The following TYW1 variants were observed in gnomAD, a reference collection of about 807,000 sequenced individuals.
TYW1 encodes tRNA-yW synthesizing protein 1 homolog.
In TYW1, 46 loss-of-function variants were observed where a neutral mutation model predicts 96.2. The observed-to-expected ratio is 0.48, with a 90% CI of 0.38 to 0.61. The LOEUF (loss-of-function observed/expected upper bound fraction) is 0.61, where lower values mean the gene tolerates loss of function less well. TYW1 is among the 20% of genes least tolerant of loss of function. The pLI is 0.00. For missense variants in TYW1, 684 were observed against 909.6 expected, an observed-to-expected ratio of 0.75 and a Z score of 3.19; for synonymous variants, 274 against 323.0, an observed-to-expected ratio of 0.85 and a Z score of 1.63.
intron 9 of TYW1, among the ~76,000 whole-genome samples, chr7:67,057,100 C>T (rs1167679999): frequency 9.3e-5 from 14 of 151,316 alleles, no homozygotes; most frequent in Admixed American, 6.6e-4. Context: ...CTGCAACCTC[C>T]GCCTCCTGGG....
At chr7:67,115,762 A>G (rs934513155) in intron 12 of TYW1, among the ~76,000 whole-genome samples, 3 of 152,238 alleles carry the variant, frequency 2.0e-5, no homozygotes, top group African/African-American at 7.2e-5. Flanking sequence ...ATACATATAT[A>G]AAGCACATAA....
intron 13 of TYW1, among the ~76,000 whole-genome samples, chr7:67,156,220 C>A (rs1411790621): frequency 1.3e-5 from 2 of 152,130 alleles, no homozygotes; most frequent in Non-Finnish European, 2.9e-5. Flanking sequence ...TGGGCTGGGC[C>A]TGTGTGTTCT....
chr7:67,209,818 C>T (rs987276860), intron 15 of TYW1, among the ~76,000 whole-genome samples: 22 of 152,196 alleles, frequency 1.4e-4, no homozygotes, highest in East Asian at 3.9e-4. Context: ...GTGATCCACC[C>T]GCCTTGGCCT....
intron 15 of TYW1, among the ~76,000 whole-genome samples, chr7:67,228,401 C>G (rs1241862908): frequency 6.6e-6 from 1 of 152,138 alleles, no homozygotes; most frequent in Non-Finnish European, 1.5e-5. Flanking sequence ...ACAGGAAAGG[C>G]CCTCCTCCAT....
chr7:67,233,670 A>T (rs986059664), intron 15 of TYW1, among the ~76,000 whole-genome samples: 2 of 136,246 alleles, frequency 1.5e-5, no homozygotes, highest in Non-Finnish European at 3.2e-5. Context: ...TTGGGGTCTC[A>T]TGCCTCTGTT....
At chr7:67,065,292 A>AAG (rs1360327775) in intron 9 of TYW1, among the ~76,000 whole-genome samples, 1 of 152,218 alleles carries the variant, frequency 6.6e-6, no homozygotes, top group African/African-American at 2.4e-5. Context: ...TACCTCATTA[A>AAG]AGAGCCTATA....
intron 10 of TYW1, among the ~76,000 whole-genome samples, chr7:67,073,355 T>A (rs1796093954): frequency 6.6e-6 from 1 of 152,168 alleles, no homozygotes; most frequent in East Asian, 1.9e-4. Flanking sequence ...AGGACAGTGC[T>A]CCGCAACAAA....
rs576295633 is a variant in TYW1 at position 67,053,968 on chromosome 7, A to C, written c.1103-1867A>C. Among the ~76,000 whole-genome samples the C allele has an allele frequency of 2.1e-3, 322 of 152,282 alleles. 4 individuals carry two copies. The highest frequency in any genetic ancestry group is 7.3e-3 in the African/African-American group (303 of 41,560). On this transcript the variant is annotated intron_variant, in intron 8 of 15. Transcript: ENST00000359626. ...AGAGTCCACTGGGCTTCGCTTGGGT[A>C]GTCTCTCTTTGCTACATGGCCTGGA...
At chr7:67,152,880 C>T (rs1203921396) in intron 13 of TYW1, among the ~76,000 whole-genome samples, 5 of 152,244 alleles carry the variant, frequency 3.3e-5, no homozygotes, top group South Asian at 2.1e-4. Context: ...GGATTGCAGG[C>T]GTGAGCCACC....
At chr7:67,117,983 G>T (rs575186175) in intron 13 of TYW1, among the ~76,000 whole-genome samples, 2 of 152,244 alleles carry the variant, frequency 1.3e-5, no homozygotes, top group East Asian at 3.9e-4. Flanking sequence ...ATTGGTCGTA[G>T]GACTCCCCAT....
chr7:67,015,722 G>A (rs1056612185), intron 5 of TYW1, among the ~76,000 whole-genome samples: 44 of 152,180 alleles, frequency 2.9e-4, no homozygotes, highest in Non-Finnish European at 4.8e-4. Context: ...CAGCACTTTG[G>A]GAGGCTGAGG....
At chr7:67,121,519 C>G (rs1797760130) in intron 13 of TYW1, among the ~76,000 whole-genome samples, 1 of 152,078 alleles carries the variant, frequency 6.6e-6, no homozygotes, top group African/African-American at 2.4e-5. Context: ...CCAGCCTGGT[C>G]AACAAGAGCA....
chr7:67,053,444 A>G lies in TYW1; in HGVS notation c.1103-2391A>G, dbSNP rs140964718. On this transcript the variant is annotated intron_variant, in intron 8 of 15. Transcript: ENST00000359626. Reference sequence around the variant, plus strand: ...GCCCAGTCTGGGGTGCAGTGGTGTGATCTTGGCTCACCACATCCTCCTCCT... The same window carrying G: ...GCCCAGTCTGGGGTGCAGTGGTGTGGTCTTGGCTCACCACATCCTCCTCCT... 4.8e-3 allele frequency among the ~76,000 whole-genome samples: 681 copies of G among 140,838 alleles called. 5 individuals carry two copies. The highest frequency in any genetic ancestry group is 0.017 in the African/African-American group (645 of 37,212). The allele number at this position is 140,838 out of a possible 152,430, so 92.4% of individuals were successfully genotyped here.
At chr7:67,012,727 G>C (rs1793856554) in intron 4 of TYW1, among the ~76,000 whole-genome samples, 1 of 151,934 alleles carries the variant, frequency 6.6e-6, no homozygotes, top group Non-Finnish European at 1.5e-5. Context: ...TCCTGTAATG[G>C]GTCAAGGTCA....
chr7:67,019,278 C>T (rs1794146087), intron 6 of TYW1, among the ~76,000 whole-genome samples: 1 of 152,252 alleles, frequency 6.6e-6, no homozygotes, highest in South Asian at 2.1e-4. Context: ...CTCATTTCCT[C>T]CCCAACCCTT....
chr7:67,137,745 T>A (rs1057198081), intron 13 of TYW1, among the ~76,000 whole-genome samples: 1 of 150,202 alleles, frequency 6.7e-6, no homozygotes, highest in African/African-American at 2.5e-5. Flanking sequence ...TAAAAAAAAA[T>A]TTGAGGTGGA....
intron 15 of TYW1, among the ~76,000 whole-genome samples, chr7:67,232,067 T>C (rs549053799): frequency 1.6e-4 from 24 of 150,798 alleles, no homozygotes; most frequent in Middle Eastern, 3.6e-3. Context: ...CCATCTCTAC[T>C]AAAAATACAA....
chr7:67,013,119 TC>T lies in TYW1; in HGVS notation c.376-1247del, dbSNP rs1203792461. Among the ~76,000 whole-genome samples, 226 of 147,602 alleles carry T rather than the reference TC, an allele frequency of 1.5e-3. 1 individual carries two copies. Among genetic ancestry groups the T allele is most frequent in the East Asian group, 8.3e-3 (41 of 4,938 alleles). ...TCTCTCTGTATTTTTTCTTTTCTTT[TC>T]TTTTTTTTTTTTGAGATGGAGTCTT... is the stretch of plus-strand genomic sequence containing the variant. On this transcript the variant is annotated intron_variant, in intron 4 of 15. Transcript: ENST00000359626.
chr7:67,087,305 T>G (rs1234880057), intron 11 of TYW1, among the ~76,000 whole-genome samples: 2 of 152,158 alleles, frequency 1.3e-5, no homozygotes, highest in African/African-American at 4.8e-5. Context: ...ATAGTGACCT[T>G]AGGCTTAACG....
Sources: allele counts gnomAD v4.1 joint callset (sites outside exome capture counted in the v4.1 genomes callset), GRCh38; gene constraint gnomAD v4.1.1; transcripts MANE v1.5; gene names NCBI Gene and HGNC (gene_info 2026-07-23, HGNC 2026-07-21).